Variants in CLBA1 observed in about 807,000 individuals in gnomAD.
CLBA1 encodes uncharacterized protein CLBA1.
A neutral mutation model predicts 28.8 loss-of-function variants in CLBA1; 30 were observed. The ratio of observed to expected loss-of-function variants is 1.04; its 90% CI spans 0.78 to 1.41. CLBA1 has a LOEUF of 1.41. Ranked by LOEUF, CLBA1 falls within the 40% of genes most tolerant of loss-of-function variation. The probability of loss-of-function intolerance (pLI) is 0.00; values close to 1 mark genes in which losing one functional copy is unlikely to be tolerated. For synonymous variants in CLBA1, 160 were observed against 152.8 expected, an observed-to-expected ratio of 1.05 and a Z score of -0.35; for missense variants, 451 against 412.3, an observed-to-expected ratio of 1.09 and a Z score of -0.81.
Position 104,986,684 on chromosome 14 carries a change from C to A in CLBA1, c.253C>A (p.Arg85=). 1 of 1,614,088 alleles carries A rather than the reference C, an allele frequency of 6.2e-7. No homozygotes were observed. Among genetic ancestry groups the A allele is most frequent in the African/African-American group, 1.3e-5 (1 of 75,030 alleles). The part of the protein sequence containing the change: ...SSTWGEFEGF[R]ESSAKSGQFS... Reference sequence around the variant, plus strand: ...CACTTGGGGGGAGTTTGAAGGCTTTCGGGAATCTTCAGCCAAGTCTGGACA... The same window carrying A: ...CACTTGGGGGGAGTTTGAAGGCTTTAGGGAATCTTCAGCCAAGTCTGGACA... Residue 85 remains arginine, a synonymous_variant, in exon 1 of 5, where the codon CGG becomes AGG. Transcript: ENST00000547315.
intron 1 of CLBA1, among the ~76,000 whole-genome samples, chr14:104,988,628 C>T (rs556284488): frequency 9.2e-5 from 14 of 152,312 alleles, no homozygotes; most frequent in South Asian, 4.2e-4. Context: ...CGTGAGCCAC[C>T]GCGCCCGGCC....
At chr14:104,991,409 C>T in intron 2 of CLBA1, 82 bp from the exon 3 acceptor site, 12 of 1,567,866 alleles carry the variant, frequency 7.7e-6, no homozygotes, top group East Asian at 4.6e-5. Flanking sequence ...CCAGGCGCCC[C>T]GCTGCGTGCC....
chr14:104,994,484 C>G (rs2140899796), intron 4 of CLBA1, 114 bp from the exon 5 acceptor site: 1 of 1,446,900 alleles, frequency 6.9e-7, no homozygotes, highest in Non-Finnish European at 9.0e-7. Context: ...AGAGGAGAAC[C>G]AAGGAGAGAA....
chr14:105,001,067 T>TAA (rs71454491), intron 2 of CLBA1, among the ~76,000 whole-genome samples: 12,823 of 125,878 alleles, frequency 0.1, 755 homozygotes, highest in East Asian at 0.22. Flanking sequence ...TATTCAGCTG[T>TAA]AAAAAAAAAA....
rs760650252 is a variant in CLBA1, at chr14:104,986,713, C to G, written c.282C>G (p.Phe94Leu). The change falls in exon 1 of 5, where the codon TTC becomes TTG. Residue 94 changes from phenylalanine (F) to leucine (L), a missense_variant. Physicochemically the swap from Phe to Leu is conservative, Grantham distance 22 (BLOSUM62 0). Transcript: ENST00000547315. ...AATCTTCAGCCAAGTCTGGACAATT[C>G]TCACAGTCCCTTGAACTCCTCGAGG... ...FRESSAKSGQ[F>L]SQSLELLEGP... 6.2e-7 allele frequency: 1 copy of G among 1,614,096 alleles called. No individual in the cohort carries two copies.
chr14:104,988,501 A>G (rs1344671407), intron 1 of CLBA1, among the ~76,000 whole-genome samples: 2 of 151,892 alleles, frequency 1.3e-5, no homozygotes, highest in East Asian at 3.9e-4. Flanking sequence ...CACCACACCC[A>G]GCTAATTTTT....
chr14:104,988,496 C>T (rs897671222), intron 1 of CLBA1, among the ~76,000 whole-genome samples: 2 of 152,102 alleles, frequency 1.3e-5, no homozygotes, highest in Admixed American at 1.3e-4. Context: ...TGTACCACCA[C>T]ACCCAGCTAA....
downstream of CLBA1, among the ~76,000 whole-genome samples, chr14:104,998,574 T>C (rs1900207895): frequency 6.6e-6 from 1 of 152,118 alleles, no homozygotes; most frequent in Non-Finnish European, 1.5e-5. Flanking sequence ...TCTTTTTGTT[T>C]TTTGTTTTTC....
chr14:104,988,433 G>A (rs776735619), intron 1 of CLBA1, among the ~76,000 whole-genome samples: 26 of 150,814 alleles, frequency 1.7e-4, no homozygotes, highest in Non-Finnish European at 2.9e-4. Context: ...CCCACCCGCC[G>A]GATTCAAGCG....
At position 104,986,811 on chromosome 14, in the gene CLBA1, G is replaced by A. The variant is rs1255708569; in HGVS notation, c.380G>A (p.Gly127Asp). ...TGCAGTTCTCACCAACCATGCCAGG[G>A]TGGACCTTGGGTGACAGGAACTTCT... is the stretch of plus-strand genomic sequence containing the variant. ...KECSSHQPCQ[G>D]GPWVTGTSAV... Residue 127 changes from glycine to aspartate, a missense_variant, in exon 1 of 5, where the codon GGT becomes GAT. Transcript: ENST00000547315. 1 of 1,613,476 alleles carries A rather than the reference G, an allele frequency of 6.2e-7. No homozygotes were observed. Among genetic ancestry groups the A allele is most frequent in the East Asian group, 2.2e-5 (1 of 44,876 alleles).
intron 4 of CLBA1, chr14:104,994,250 C>T: frequency 1.0e-6 from 1 of 985,400 alleles, no homozygotes; most frequent in Non-Finnish European, 1.2e-6. Flanking sequence ...TGGTGTAGTC[C>T]AAGAGTGGCT....
Position 104,994,758 on chromosome 14 carries a change from A to G in CLBA1, c.977A>G (p.Ter326=), listed in dbSNP as rs758573679. 7 of 1,599,712 alleles carry G rather than the reference A, an allele frequency of 4.4e-6. No individual in the cohort carries two copies. The highest frequency in any genetic ancestry group is 1.7e-6 in the Non-Finnish European group (2 of 1,174,132). ...ACACTCTTTAATAGCGACGTTTGCT[A>G]AAATCAGGAGGACTTTGTACCTTTA... ...KLTLFNSDVC[*] Residue 326 remains the stop codon, a stop_retained_variant, in exon 5 of 5, where the codon TAA becomes TGA. Coordinates refer to ENST00000547315, the MANE Select transcript of CLBA1 (RefSeq NM_174891.4).
intron 1 of CLBA1, 27 bp from the exon 2 acceptor site, chr14:104,988,915 TG>T (rs754606419): frequency 6.4e-7 from 1 of 1,573,200 alleles, no homozygotes; most frequent in Non-Finnish European, 8.6e-7. Flanking sequence ...CTCCTAACTT[TG>T]GTATGCTTTT....
chr14:104,986,857 ATTTCTGCTG>A lies in CLBA1; in HGVS notation c.423+5_423+13del. On this transcript the variant is annotated splice_donor_5th_base_variant and intron_variant, in intron 1 of 4. Transcript: ENST00000547315. ...CTTCTGCCGTCCCACCTTCTGAGGT[ATTTCTGCTG>A]TGCTGTGGTCACCATGTTGAGTGGG... 1 of 1,612,400 alleles carries A rather than the reference ATTTCTGCTG, an allele frequency of 6.2e-7. No homozygotes were observed. The highest frequency in any genetic ancestry group is 2.2e-5 in the East Asian group (1 of 44,856).
chr14:105,000,524 G>A (rs572615989), intron 2 of CLBA1, among the ~76,000 whole-genome samples: 83 of 151,956 alleles, frequency 5.5e-4, no homozygotes, highest in South Asian at 1.2e-3. Context: ...CACCTGCCTC[G>A]GCCTCCCAAA....
chr14:104,994,637 A>C lies in CLBA1; in HGVS notation c.856A>C (p.Thr286Pro). ...TGGCAGCAAACAGGGGAGGCTGATGACATGCAGCCGCTTCCTGAAGACCCC... is the reference window on the plus strand; with the variant it reads ...TGGCAGCAAACAGGGGAGGCTGATGCCATGCAGCCGCTTCCTGAAGACCCC... ...PPGSKQGRLM[T>P]CSRFLKTPSC... The change falls in exon 5 of 5, where the codon ACA becomes CCA. Residue 286 changes from threonine to proline, a missense_variant. Coordinates refer to ENST00000547315, the MANE Select transcript of CLBA1 (RefSeq NM_174891.4). The C allele has an allele frequency of 6.2e-7, 1 of 1,613,292 alleles. No homozygotes were observed. The highest frequency in any genetic ancestry group is 1.3e-5 in the African/African-American group (1 of 75,022).
At chr14:104,992,148 C>T (rs1196544643) in intron 3 of CLBA1, among the ~76,000 whole-genome samples, 4 of 148,734 alleles carry the variant, frequency 2.7e-5, no homozygotes, top group East Asian at 2.0e-4. Flanking sequence ...GCCATGCACA[C>T]GCCTCACACA....
chr14:104,986,495 G>C lies in CLBA1; in HGVS notation c.64G>C (p.Ala22Pro). The change falls in exon 1 of 5, where the codon GCT becomes CCT. Residue 22 changes from alanine (A) to proline (P), a missense_variant. Coordinates refer to ENST00000547315, the MANE Select transcript of CLBA1 (RefSeq NM_174891.4). ...LSDLQEEAASASLRVAPERLS... is the reference protein window; with the variant it reads ...LSDLQEEAASPSLRVAPERLS... ...TGACCTCCAGGAGGAAGCAGCCAGC[G>C]CTTCCCTCCGAGTGGCACCTGAGAG... 6.2e-7 allele frequency: 1 copy of C among 1,613,586 alleles called. No homozygotes were observed. Among genetic ancestry groups the C allele is most frequent in the Non-Finnish European group, 8.5e-7 (1 of 1,180,006 alleles).
intron 2 of CLBA1, 58 bp from the exon 3 acceptor site, chr14:104,991,433 C>T (rs1458320753): frequency 1.1e-5 from 17 of 1,606,132 alleles, no homozygotes; most frequent in South Asian, 4.4e-5. Context: ...GGCCGTGCCT[C>T]ATGATCTCCT....
Sources: allele counts gnomAD v4.1 joint callset (sites outside exome capture counted in the v4.1 genomes callset), GRCh38; gene constraint gnomAD v4.1.1; transcripts MANE v1.5; gene names NCBI Gene and HGNC (gene_info 2026-07-23, HGNC 2026-07-21).